The following RP1 variants were observed in gnomAD, a reference collection of about 807,000 sequenced individuals.
RP1 encodes oxygen-regulated protein 1.
Under a neutral mutation model 14.8 loss-of-function variants are expected in RP1, and 16 were observed. The observed-to-expected ratio is 1.08, with a 90% confidence interval of 0.73 to 1.65. The LOEUF is 1.65. RP1 is among the 40% of genes most tolerant of loss of function. The pLI is 0.00. For synonymous variants in RP1, 876 were observed against 883.6 expected (o/e 0.99, Z 0.15); for missense variants, 2,631 against 2,535.0 (o/e 1.04, Z -0.81).
chr8:54,598,258 A>G (rs1052648609), intron 1 of RP1, among the ~76,000 whole-genome samples: 3 of 151,942 alleles, frequency 2.0e-5, no homozygotes, highest in Non-Finnish European at 4.4e-5. Context: ...ATATTTTAGA[A>G]TTCTATTTTG....
chr8:54,831,463 G>GT (rs149872691), intron 24 of RP1, among the ~76,000 whole-genome samples: 57 of 74,768 alleles, frequency 7.6e-4, no homozygotes, highest in Middle Eastern at 7.8e-3. Flanking sequence ...ACCTGTGCCT[G>GT]TTTTTTGTTT....
chr8:54,770,447 C>CT (rs531040663), downstream of RP1, among the ~76,000 whole-genome samples: 2 of 150,852 alleles, frequency 1.3e-5, no homozygotes, highest in East Asian at 1.9e-4. Context: ...ATATTAACTT[C>CT]TTTTTTTTCT....
chr8:54,687,496 T>C (rs1000342791), intron 12 of RP1, among the ~76,000 whole-genome samples: 15 of 152,042 alleles, frequency 9.9e-5, no homozygotes, highest in African/African-American at 3.4e-4. Flanking sequence ...GTTTGTGATG[T>C]TCCCCTCCCT....
intron 23 of RP1, among the ~76,000 whole-genome samples, chr8:54,783,079 T>G (rs1810229448): frequency 6.6e-6 from 1 of 152,104 alleles, no homozygotes; most frequent in South Asian, 2.1e-4. Context: ...TGCCTTGTTT[T>G]TATATCTTCT....
intron 24 of RP1, among the ~76,000 whole-genome samples, chr8:54,832,608 G>C (rs1264733940): frequency 1.3e-5 from 2 of 151,764 alleles, no homozygotes; most frequent in Non-Finnish European, 3.0e-5. Flanking sequence ...ATTTGCAGGT[G>C]TATTTTTATT....
chr8:54,713,692 G>A (rs780144991), intron 15 of RP1, among the ~76,000 whole-genome samples: 7 of 152,190 alleles, frequency 4.6e-5, no homozygotes, highest in Non-Finnish European at 1.0e-4. Context: ...GGTTTACACG[G>A]TGCTAGACCA....
At chr8:54,679,136 T>C (rs1349542434) in intron 9 of RP1, among the ~76,000 whole-genome samples, 1 of 152,228 alleles carries the variant, frequency 6.6e-6, no homozygotes, top group Non-Finnish European at 1.5e-5. Flanking sequence ...ATATAACATC[T>C]ACGACTTTGA....
At chr8:54,871,106 T>G (rs920340023) in exon 29 of RP1, 1 of 152,188 alleles carries the variant, frequency 6.6e-6, no homozygotes. Flanking sequence ...TCTAAATCAG[T>G]GTATTTAGAG....
chr8:54,609,863 A>G (rs755251759), intron 1 of RP1, among the ~76,000 whole-genome samples: 156 of 152,212 alleles, frequency 1.0e-3, no homozygotes, highest in Non-Finnish European at 1.9e-3. Flanking sequence ...GCACTGAAGG[A>G]TGCAGCTCCA....
At chr8:54,622,972 G>A (rs1041399099) in intron 3 of RP1, among the ~76,000 whole-genome samples, 1 of 152,150 alleles carries the variant, frequency 6.6e-6, no homozygotes, top group African/African-American at 2.4e-5. Context: ...TATTTCCAGG[G>A]AAGACAAGCT....
At chr8:54,583,928 T>C (rs1804856169) in intron 1 of RP1, among the ~76,000 whole-genome samples, 1 of 152,200 alleles carries the variant, frequency 6.6e-6, no homozygotes. Context: ...TCTATCAATT[T>C]TGTTGATCTT....
chr8:54,803,820 A>G (rs762170714), intron 24 of RP1, among the ~76,000 whole-genome samples: 5 of 152,226 alleles, frequency 3.3e-5, no homozygotes, highest in Non-Finnish European at 7.3e-5. Context: ...CTATAATCCC[A>G]GCACTTTGGG....
intron 23 of RP1, chr8:54,783,491 A>G: frequency 1.2e-6 from 1 of 868,626 alleles, no homozygotes; most frequent in Middle Eastern, 4.0e-4. Context: ...TTATTTTCCT[A>G]ATATTAATGT....
chr8:54,776,814 C>T (rs924007826), intron 23 of RP1, among the ~76,000 whole-genome samples: 48 of 152,180 alleles, frequency 3.2e-4, no homozygotes, highest in African/African-American at 1.1e-3. Flanking sequence ...GTCACACTCT[C>T]CTCCCTGTTA....
At chr8:54,573,957 G>A (rs1804587203) in intron 1 of RP1, among the ~76,000 whole-genome samples, 1 of 152,196 alleles carries the variant, frequency 6.6e-6, no homozygotes, top group African/African-American at 2.4e-5. Flanking sequence ...GCTTTCAGAA[G>A]ACTTGGGTTT....
chr8:54,868,062 A>G (rs1223843345), intron 28 of RP1, among the ~76,000 whole-genome samples: 1 of 152,212 alleles, frequency 6.6e-6, no homozygotes, highest in East Asian at 1.9e-4. Flanking sequence ...AAATAATGTA[A>G]GTAGTAAATA....
At position 54,757,594 on chromosome 8, in the gene RP1, ACT is replaced by A. The variant is rs547823773; in HGVS notation, c.3094-1325_3094-1324del. Among the ~76,000 whole-genome samples, 50 of 152,308 alleles carry A rather than the reference ACT, an allele frequency of 3.3e-4. No homozygotes were observed. In the South Asian group the frequency reaches 8.5e-3, roughly 26 times the overall value. The stretch of plus-strand genomic sequence containing the variant: ...CTTCTTGCTAGAGAACTTCAGAGAA[ACT>A]CTGTGAAACATCTCTCAGATTTGTC... On this transcript the variant is annotated intron_variant, in intron 21 of 22. Coordinates refer to the RP1 transcript ENST00000636932.
At position 54,629,139 on chromosome 8, in the gene RP1, T is replaced by C. The variant is rs199808222; in HGVS notation, c.5257T>C (p.Leu1753=). The C allele has an allele frequency of 1.1e-4, 184 of 1,613,960 alleles. No individual in the cohort carries two copies. The highest frequency in any genetic ancestry group is 1.4e-4 in the Non-Finnish European group (168 of 1,179,964). ...KGKWLLKENH[L]LRMSSENPGM... ...CAAATGGCTTCTGAAAGAAAATCAT[T>C]TGCTAAGGATGTCATCTGAAAATCC... The change falls in exon 4 of 4, where the codon TTG becomes CTG. Residue 1753 remains leucine (L), a synonymous_variant. Coordinates refer to ENST00000220676, the MANE Select transcript of RP1 (RefSeq NM_006269.2).
intron 24 of RP1, among the ~76,000 whole-genome samples, chr8:54,802,513 G>A (rs1366198402): frequency 2.6e-5 from 4 of 152,146 alleles, no homozygotes; most frequent in Non-Finnish European, 4.4e-5. Context: ...AAGTTCTTAG[G>A]AAAGATATGA....
Sources: gnomAD v4.1 joint callset for allele counts (sites outside exome capture counted in the v4.1 genomes callset) on GRCh38, gnomAD v4.1.1 for gene constraint, MANE v1.5 for transcripts, NCBI Gene and HGNC (gene_info 2026-07-23, HGNC 2026-07-21) for gene names.